TOX2: variants seen among roughly 807,000 people sequenced by gnomAD.
The protein encoded by TOX2 is TOX high mobility group box family member 2.
A neutral mutation model predicts 47.4 loss-of-function variants in TOX2; 15 were observed. The observed-to-expected ratio is 0.32, with a 90% CI of 0.21 to 0.49. The LOEUF is 0.49. Ranked by LOEUF, TOX2 falls within the 20% of genes least tolerant of loss-of-function variation. The pLI, the probability that TOX2 is intolerant of heterozygous loss-of-function variation, is 0.99. For missense variants in TOX2, 622 were observed against 673.1 expected, an observed-to-expected ratio of 0.92 and a Z score of 0.84; for synonymous variants, 290 against 296.6, an observed-to-expected ratio of 0.98 and a Z score of 0.23.
At chr20:43,974,917 A>G (rs1216860937) in intron 2 of TOX2, among the ~76,000 whole-genome samples, 3 of 152,260 alleles carry the variant, frequency 2.0e-5, no homozygotes, top group African/African-American at 7.2e-5. Flanking sequence ...CTGCTGCTGC[A>G]AAGCTGCCTT....
intron 2 of TOX2, among the ~76,000 whole-genome samples, chr20:43,988,895 T>C (rs2070319389): frequency 1.3e-5 from 2 of 152,218 alleles, no homozygotes. Flanking sequence ...GTGAGAACAC[T>C]GGGTTTTGGT....
Position 44,004,758 on chromosome 20 carries a change from A to G in TOX2, c.166-1789A>G, listed in dbSNP as rs149437566. Among the ~76,000 whole-genome samples, 647 of 152,382 alleles carry G rather than the reference A, an allele frequency of 4.2e-3. 1 individual carries two copies. Among genetic ancestry groups the G allele is most frequent in the Non-Finnish European group, 7.8e-3 (533 of 68,034 alleles). On this transcript the variant is annotated intron_variant, in intron 2 of 8. Coordinates refer to ENST00000341197, the MANE Select transcript of TOX2 (RefSeq NM_001098797.2). The stretch of plus-strand genomic sequence containing the variant: ...GCCACCACCAACCAGGTCCTGTGCC[A>G]GGCTCAGTGACCTTCACTATTTTAA...
In TOX2 at chr20:43,915,865, C is replaced by G. The variant is rs191348087; in HGVS notation, c.99+875C>G. Among the ~76,000 whole-genome samples the G allele has an allele frequency of 3.9e-5, 6 of 152,234 alleles. No homozygotes were observed. Among genetic ancestry groups the G allele is most frequent in the African/African-American group, 1.4e-4 (6 of 41,462 alleles). ...TCCATGTTTCCAGGATCTATCCCCCCACCCCAGCCAGGTCCCAGCTGCGCT... is the reference window on the plus strand; with the variant it reads ...TCCATGTTTCCAGGATCTATCCCCCGACCCCAGCCAGGTCCCAGCTGCGCT... On this transcript the variant is annotated intron_variant, in intron 1 of 8. Coordinates refer to ENST00000341197, the MANE Select transcript of TOX2 (RefSeq NM_001098797.2). The surrounding 1 kb of genome is among the most constrained non-coding windows in gnomAD (Gnocchi z 7.1).
rs1555836350 is a variant in TOX2 at position 43,986,285 on chromosome 20, A to ATGTATGTATGTATGTATGTATGTATGTG, written c.165+12856_165+12857insATGTATGTATGTATGTATGTATGTGTGT. ...TATGTATGTATGTATGTATGTATGTATGTGTGTATTTTTTGAGATGGAGTC... is the reference window on the plus strand; with the variant it reads ...TATGTATGTATGTATGTATGTATGTATGTATGTATGTATGTATGTATGTATGTGTGTGTGTATTTTTTGAGATGGAGTC... On this transcript the variant is annotated intron_variant, in intron 2 of 8. Transcript: ENST00000341197. Among the ~76,000 whole-genome samples the ATGTATGTATGTATGTATGTATGTATGTG allele has an allele frequency of 7.5e-4, 113 of 151,620 alleles. 1 individual carries two copies. The highest frequency in any genetic ancestry group is 3.6e-3 in the South Asian group (17 of 4,756).
chr20:43,976,782 G>GCACCCA (rs1555835310), intron 2 of TOX2, among the ~76,000 whole-genome samples: 3 of 146,540 alleles, frequency 2.0e-5, no homozygotes, highest in African/African-American at 7.8e-5. Context: ...GAGCGCGCGC[G>GCACCCA]CACACACACA....
chr20:44,066,622 CTT>C (rs2071827245), intron 7 of TOX2, 106 bp from the exon 8 acceptor site: 1 of 1,554,700 alleles, frequency 6.4e-7, no homozygotes, highest in South Asian at 1.1e-5. Context: ...GGCAGCATCT[CTT>C]TGGTGTGGAC....
chr20:44,066,964 C>T (rs1333040487), intron 8 of TOX2, 107 bp downstream of exon 8: 2 of 1,459,074 alleles, frequency 1.4e-6, no homozygotes, highest in African/African-American at 1.4e-5. Context: ...GGGGAGGACC[C>T]TGCAGTCACT....
chr20:44,012,138 G>T (rs1325666430), intron 3 of TOX2, among the ~76,000 whole-genome samples: 1 of 152,198 alleles, frequency 6.6e-6, no homozygotes, highest in Non-Finnish European at 1.5e-5. Flanking sequence ...GTCTCATTTC[G>T]AGAGAGATAT....
chr20:44,055,820 T>C (rs1345432959), intron 5 of TOX2, among the ~76,000 whole-genome samples: 1 of 152,158 alleles, frequency 6.6e-6, no homozygotes, highest in African/African-American at 2.4e-5. Context: ...TGCCAGTCAC[T>C]GGATGGGAAA....
At chr20:43,963,787 G>A (rs2069802821) in intron 1 of TOX2, among the ~76,000 whole-genome samples, 2 of 151,956 alleles carry the variant, frequency 1.3e-5, no homozygotes, top group African/African-American at 4.8e-5. Context: ...TTCTTATAAA[G>A]ACTTTAATTT....
At chr20:44,039,042 T>C in intron 3 of TOX2, 1 of 1,250,862 alleles carries the variant, frequency 8.0e-7, no homozygotes, top group Non-Finnish European at 1.0e-6. Flanking sequence ...TTCACTTGGT[T>C]CCCAGACATC....
chr20:43,940,722 T>C (rs1311525867), intron 1 of TOX2, among the ~76,000 whole-genome samples: 3 of 152,022 alleles, frequency 2.0e-5, no homozygotes, highest in Non-Finnish European at 4.4e-5. Flanking sequence ...TGTGGCACTT[T>C]AGTGGTCAGT....
intron 3 of TOX2, among the ~76,000 whole-genome samples, chr20:44,015,085 C>T (rs2070855281): frequency 1.3e-5 from 2 of 152,060 alleles, no homozygotes; most frequent in South Asian, 4.1e-4. Context: ...TCCAAGGTGC[C>T]ATGCTTTTGT....
chr20:44,035,019 C>T (rs1354033024), intron 3 of TOX2, among the ~76,000 whole-genome samples: 1 of 152,236 alleles, frequency 6.6e-6, no homozygotes, highest in African/African-American at 2.4e-5. Flanking sequence ...AGCCACTACT[C>T]ATCCCACGCA....
chr20:44,055,036 TTC>T (rs2071593933), intron 5 of TOX2, among the ~76,000 whole-genome samples: 1 of 152,212 alleles, frequency 6.6e-6, no homozygotes, highest in Non-Finnish European at 1.5e-5. Context: ...TGGCTACTCC[TTC>T]TCTGAGCTCA....
At chr20:44,011,998 T>G (rs2070784249) in intron 3 of TOX2, among the ~76,000 whole-genome samples, 1 of 152,248 alleles carries the variant, frequency 6.6e-6, no homozygotes. Flanking sequence ...CTTAACTGAT[T>G]AAACATTTAT....
At position 44,006,662 on chromosome 20, in the gene TOX2, C is replaced by T. The variant is rs769596236; in HGVS notation, c.281C>T (p.Ser94Leu). 2.1e-5 allele frequency: 34 copies of T among 1,614,126 alleles called. No individual in the cohort carries two copies. The highest frequency in any genetic ancestry group is 2.5e-5 in the Non-Finnish European group (29 of 1,180,014). Residue 94 changes from serine to leucine, a missense_variant, in exon 3 of 9, where the codon TCG (serine) becomes TTG (leucine). By Grantham distance (145) the Ser-to-Leu change is moderately radical (BLOSUM62 -2). Around this residue, in one of 3 missense-constraint regions of TOX2, gnomAD observed 307 missense variants for 327.3 expected, o/e 0.94. Transcript: ENST00000341197. ...HLGDHEASYH[S>L]LCHGLTPNGL... ...GGGGACCACGAAGCCAGCTACCACT[C>T]GCTGTGCCACGGCCTCACCCCCAAC...
At chr20:44,050,000 TAC>T (rs1293819573) in intron 3 of TOX2, among the ~76,000 whole-genome samples, 3 of 152,218 alleles carry the variant, frequency 2.0e-5, no homozygotes, top group Non-Finnish European at 4.4e-5. Flanking sequence ...TCTGGGTATA[TAC>T]CCAGTAATGG....
At chr20:43,998,474 C>G (rs2070517033) in intron 2 of TOX2, among the ~76,000 whole-genome samples, 1 of 152,194 alleles carries the variant, frequency 6.6e-6, no homozygotes, top group African/African-American at 2.4e-5. Context: ...CATTCAGATC[C>G]TCAATCCTCA....
Sources: gnomAD v4.1 joint callset for allele counts (sites outside exome capture counted in the v4.1 genomes callset) on GRCh38, gnomAD v4.1.1 for gene constraint, gnomAD v4.1.1 regional missense constraint, Gnocchi (gnomAD v3.1) non-coding constraint, MANE v1.5 for transcripts, NCBI Gene and HGNC (gene_info 2026-07-23, HGNC 2026-07-21) for gene names.